Variants in OR10G4 observed in about 807,000 individuals in gnomAD.
OR10G4 encodes olfactory receptor 10G4.
For missense variants in OR10G4, 318 were observed against 388.8 expected, an observed-to-expected ratio of 0.82 and a Z score of 1.53; for synonymous variants, 130 against 159.3, an observed-to-expected ratio of 0.82 and a Z score of 1.39.
Position 124,017,646 on chromosome 11 carries a change from A to G in OR10G4, c.*1136A>G, listed in dbSNP as rs929050860. ...GATTATAAAGTGCACATGGAGACTC[A>G]TATTTTTAAAATGCCAATTCCATTC... is the stretch of plus-strand genomic sequence containing the variant. On this transcript the variant is annotated 3_prime_UTR_variant, in exon 2 of 2. Transcript: ENST00000641722. 5.3e-5 allele frequency: 8 copies of G among 152,254 alleles called. No homozygotes were observed. Among genetic ancestry groups the G allele is most frequent in the Non-Finnish European group, 1.0e-4 (7 of 68,046 alleles). The allele number at this position is 152,254 out of a possible 1,614,324, so 9.4% of individuals were successfully genotyped here.
chr11:124,016,016 T>C lies in OR10G4; in HGVS notation c.442T>C (p.Trp148Arg). Residue 148 changes from tryptophan (W) to arginine (R), a missense_variant, in exon 2 of 2, where the codon TGG (tryptophan) becomes CGG (arginine). By Grantham distance (101) the Trp-to-Arg change is moderately radical (BLOSUM62 -3). Coordinates refer to ENST00000641722, the MANE Select transcript of OR10G4 (RefSeq NM_001004462.2). Reference protein sequence around the residue: ...SRCALLATGTWLSGSLHSAVQ... With the variant: ...SRCALLATGTRLSGSLHSAVQ... ...GTGTGCCCTCCTGGCCACCGGCACT[T>C]GGCTCAGTGGCTCTCTGCACTCTGC... 2 of 1,613,954 alleles carry C rather than the reference T, an allele frequency of 1.2e-6. No individual in the cohort carries two copies. Among genetic ancestry groups the C allele is most frequent in the Non-Finnish European group, 8.5e-7 (1 of 1,179,878 alleles).
rs139344756 is a variant in OR10G4 at position 124,016,227 on chromosome 11, T to C, written c.653T>C (p.Val218Ala). 4 of 1,614,086 alleles carry C rather than the reference T, an allele frequency of 2.5e-6. No homozygotes were observed. In the African/African-American group the frequency reaches 5.3e-5, roughly 22 times the overall value. Residue 218 changes from valine to alanine, a missense_variant, in exon 2 of 2, where the codon GTG becomes GCG. Val to Ala is a moderately conservative substitution (Grantham distance 64). Coordinates refer to ENST00000641722, the MANE Select transcript of OR10G4 (RefSeq NM_001004462.2). ...TTTGTCCTGATAGTGCTGTCCTATG[T>C]GTCCATCGTCTGTTCCATCCTGCGG... is the stretch of plus-strand genomic sequence containing the variant. Reference protein sequence around the residue: ...GCFVLIVLSYVSIVCSILRIR... With the variant: ...GCFVLIVLSYASIVCSILRIR...
At chr11:124,014,375 G>A (rs7925793) in intron 1 of OR10G4, among the ~76,000 whole-genome samples, 1 of 152,110 alleles carries the variant, frequency 6.6e-6, no homozygotes, top group Non-Finnish European at 1.5e-5. Context: ...ACACTGCTGC[G>A]AGGCACAATG....
rs1565591137 is a variant in OR10G4, at chr11:124,016,046, CA to C, written c.473del (p.Gln158ArgfsTer4). 1.2e-6 allele frequency: 2 copies of C among 1,613,910 alleles called. No individual in the cohort carries two copies. Among genetic ancestry groups the C allele is most frequent in the East Asian group, 4.5e-5 (2 of 44,864 alleles). ...CAGTGGCTCTCTGCACTCTGCTGTC[CA>C]GACCATATTGACTTTCCATTTGCCC... ...WLSGSLHSAVQTILTFHLPYC... is the reference protein window; with the variant it reads ...WLSGSLHSAVXTILTFHLPYC... On this transcript the variant is annotated frameshift_variant, in exon 2 of 2. Coordinates refer to ENST00000641722, the MANE Select transcript of OR10G4 (RefSeq NM_001004462.2). LOFTEE classifies it low-confidence loss of function (END_TRUNC).
intron 1 of OR10G4, 138 bp from the exon 2 acceptor site, chr11:124,015,410 C>A: frequency 1.2e-6 from 1 of 810,344 alleles, no homozygotes; most frequent in Non-Finnish European, 2.0e-6. Context: ...ATCATCATCT[C>A]TGTGAGGGAA....
intron 1 of OR10G4, chr11:124,014,886 T>C (rs1221353765): frequency 2.0e-5 from 3 of 152,696 alleles, no homozygotes; most frequent in Admixed American, 2.0e-4. Context: ...GTGACTATGA[T>C]GGGCTATCAC....
chr11:124,016,110 A>G lies in OR10G4; in HGVS notation c.536A>G (p.Asp179Gly), dbSNP rs1248831100. Residue 179 changes from aspartate (D) to glycine (G), a missense_variant, in exon 2 of 2, where the codon GAC becomes GGC. Asp to Gly is a moderately conservative substitution (Grantham distance 94, BLOSUM62 -1). Transcript: ENST00000641722. ...GPNQIQHYFC[D>G]APPILKLACA... ...AACCAGATCCAGCACTACTTCTGTG[A>G]CGCACCGCCCATCCTGAAACTGGCC... The G allele has an allele frequency of 1.2e-6, 2 of 1,613,888 alleles. No homozygotes were observed. Among genetic ancestry groups the G allele is most frequent in the East Asian group, 2.2e-5 (1 of 44,864 alleles).
chr11:124,015,587 A>T lies in OR10G4; in HGVS notation c.13A>T (p.Ser5Cys). The stretch of plus-strand genomic sequence containing the variant: ...AGGGTGAGAAGAAATGTCCAACGCC[A>T]GCCTCGTGACAGCATTCATCCTCAC... MSNA[S>C]LVTAFILTGL... Residue 5 changes from serine to cysteine, a missense_variant, in exon 2 of 2, where the codon AGC (serine) becomes TGC (cysteine). Physicochemically the swap from Ser to Cys is moderately radical, Grantham distance 112 (BLOSUM62 -1). Coordinates refer to ENST00000641722, the MANE Select transcript of OR10G4 (RefSeq NM_001004462.2). 1.2e-6 allele frequency: 2 copies of T among 1,608,058 alleles called. No homozygotes were observed. Among genetic ancestry groups the T allele is most frequent in the South Asian group, 2.2e-5 (2 of 90,482 alleles).
rs1462269159 is a variant in OR10G4 at position 124,018,371 on chromosome 11, G to GCCCCCC, written c.*1866_*1867insCCCCCC. On this transcript the variant is annotated 3_prime_UTR_variant, in exon 2 of 2. Coordinates refer to ENST00000641722, the MANE Select transcript of OR10G4 (RefSeq NM_001004462.2). ...CCCCCAGCCCCCCACCCCCCAAAAGGCCCCCTTGTGTGATGTTCCCCTCCC... is the reference window on the plus strand; with the variant it reads ...CCCCCAGCCCCCCACCCCCCAAAAGGCCCCCCCCCCCTTGTGTGATGTTCCCCTCCC... 1.6e-5 allele frequency: 1 copy of GCCCCCC among 64,424 alleles called. No individual in the cohort carries two copies. The allele number at this position is 64,424 out of a possible 1,614,324, so 4.0% of individuals were successfully genotyped here.
rs901603293 is a variant in OR10G4, at chr11:124,018,365, C to T, written c.*1855C>T. 7 of 149,436 alleles carry T rather than the reference C, an allele frequency of 4.7e-5. No individual in the cohort carries two copies. The highest frequency in any genetic ancestry group is 8.9e-5 in the Non-Finnish European group (6 of 67,304). The allele number at this position is 149,436 out of a possible 1,614,324, so 9.3% of individuals were successfully genotyped here. ...ATCCCTCCCCCAGCCCCCCACCCCC[C>T]AAAAGGCCCCCTTGTGTGATGTTCC... is the stretch of plus-strand genomic sequence containing the variant. On this transcript the variant is annotated 3_prime_UTR_variant, in exon 2 of 2. Transcript: ENST00000641722.
At chr11:124,015,405 C>A in intron 1 of OR10G4, 143 bp from the exon 2 acceptor site, 3 of 781,108 alleles carry the variant, frequency 3.8e-6, no homozygotes, top group Non-Finnish European at 6.2e-6. Flanking sequence ...ATTTCATCAT[C>A]ATCTCTGTGA....
Position 124,015,538 on chromosome 11 carries a change from A to G in OR10G4, c.-27-10A>G. Reference sequence around the variant, plus strand: ...AAGTGCTAAATGCTGGGTGCTCTTTATATCCCCAGAGGGAGAGAGACCAAG... The same window carrying G: ...AAGTGCTAAATGCTGGGTGCTCTTTGTATCCCCAGAGGGAGAGAGACCAAG... On this transcript the variant is annotated splice_polypyrimidine_tract_variant and intron_variant, in intron 1 of 1. Transcript: ENST00000641722. 6.3e-7 allele frequency: 1 copy of G among 1,596,446 alleles called. No homozygotes were observed. Among genetic ancestry groups the G allele is most frequent in the Non-Finnish European group, 8.6e-7 (1 of 1,168,892 alleles).
Position 124,016,633 on chromosome 11 carries a change from T to C in OR10G4, c.*123T>C, listed in dbSNP as rs1019469734. 1.1e-5 allele frequency: 7 copies of C among 610,302 alleles called. No homozygotes were observed. The highest frequency in any genetic ancestry group is 1.9e-5 in the Non-Finnish European group (7 of 360,160). 37.8% of individuals were successfully genotyped at this position (610,302 alleles called of 1,614,324 possible). ...TTATTCCAAAACACCTGCACAGTTATAATTCTTCCACAGATTGTCTAAGAC... is the reference window on the plus strand; with the variant it reads ...TTATTCCAAAACACCTGCACAGTTACAATTCTTCCACAGATTGTCTAAGAC... On this transcript the variant is annotated 3_prime_UTR_variant, in exon 2 of 2. Transcript: ENST00000641722.
At position 124,015,682 on chromosome 11, in the gene OR10G4, T is replaced by C; in HGVS notation, c.108T>C (p.Thr36=). Residue 36 remains threonine (T), a synonymous_variant, in exon 2 of 2, where the codon ACT becomes ACC. Coordinates refer to ENST00000641722, the MANE Select transcript of OR10G4 (RefSeq NM_001004462.2). ...TCTTCCTGGTGGTTTACGTGCTCAC[T>C]GTGCTGGGGAACCTCCTCATCCTGC... ...FGIFLVVYVL[T]VLGNLLILLV... is the part of the protein sequence containing the mutation. The C allele has an allele frequency of 1.9e-6, 3 of 1,610,476 alleles. 1 individual carries two copies. Among genetic ancestry groups the C allele is most frequent in the Non-Finnish European group, 2.5e-6 (3 of 1,177,592 alleles).
chr11:124,013,409 G>A (rs1863987338), intron 1 of OR10G4, among the ~76,000 whole-genome samples: 1 of 152,206 alleles, frequency 6.6e-6, no homozygotes, highest in South Asian at 2.1e-4. Context: ...ATCTGATTAT[G>A]CTGTATTCCT....
At chr11:124,014,534 G>GCACC (rs968983068) in intron 1 of OR10G4, among the ~76,000 whole-genome samples, 8 of 152,162 alleles carry the variant, frequency 5.3e-5, no homozygotes, top group Non-Finnish European at 1.0e-4. Flanking sequence ...CCACTGTCCT[G>GCACC]CACCCACTTT....
chr11:124,016,497 C>G lies in OR10G4; in HGVS notation c.923C>G (p.Pro308Arg), dbSNP rs1157323408. The change falls in exon 2 of 2, where the codon CCT (proline) becomes CGT (arginine). Residue 308 changes from proline to arginine, a missense_variant. By Grantham distance (103) the Pro-to-Arg change is moderately radical. Coordinates refer to ENST00000641722, the MANE Select transcript of OR10G4 (RefSeq NM_001004462.2). ...VLKLRDKVAH[P>R]QRK ...AAACTTAGAGACAAAGTAGCACATC[C>G]TCAGAGGAAATAAATACTAGGAAGT... is the stretch of plus-strand genomic sequence containing the variant. 3.2e-6 allele frequency: 5 copies of G among 1,584,260 alleles called. No homozygotes were observed. The highest frequency in any genetic ancestry group is 1.2e-5 in the South Asian group (1 of 86,032).
chr11:124,013,136 T>G (rs1180851521), intron 1 of OR10G4, 24 bp downstream of exon 1: 1 of 152,250 alleles, frequency 6.6e-6, no homozygotes, highest in Non-Finnish European at 1.5e-5. Flanking sequence ...AATGCAGATT[T>G]AAACTTATTT....
rs1456023054 is a variant in OR10G4 at position 124,016,260 on chromosome 11, C to A, written c.686C>A (p.Thr229Asn). The change falls in exon 2 of 2, where the codon ACC becomes AAC. Residue 229 changes from threonine to asparagine, a missense_variant. Thr to Asn is a moderately conservative substitution (Grantham distance 65, BLOSUM62 0). Transcript: ENST00000641722. Reference protein sequence around the residue: ...SIVCSILRIRTSDGRRRAFQT... With the variant: ...SIVCSILRIRNSDGRRRAFQT... ...GTCTGTTCCATCCTGCGGATCCGCA[C>A]CTCAGATGGGAGGCGCAGAGCCTTT... 6.2e-7 allele frequency: 1 copy of A among 1,614,212 alleles called. No individual in the cohort carries two copies. Among genetic ancestry groups the A allele is most frequent in the Non-Finnish European group, 8.5e-7 (1 of 1,180,030 alleles).
Sources: allele counts gnomAD v4.1 joint callset (sites outside exome capture counted in the v4.1 genomes callset), GRCh38; gene constraint gnomAD v4.1.1; transcripts MANE v1.5; gene names NCBI Gene and HGNC (gene_info 2026-07-23, HGNC 2026-07-21).